Variants in LDHC observed in about 807,000 individuals in gnomAD.
The protein encoded by LDHC is lactate dehydrogenase C, also known as L-lactate dehydrogenase C chain.
A neutral mutation model predicts 30.2 loss-of-function variants in LDHC; 20 were observed. The observed-to-expected ratio is 0.66, with a 90% CI of 0.47 to 0.96. The LOEUF (loss-of-function observed/expected upper bound fraction) is 0.96. LDHC is among the 40% of genes least tolerant of loss of function. LDHC has a pLI of 0.00. For missense variants in LDHC, 362 were observed against 394.9 expected, an observed-to-expected ratio of 0.92 and a Z score of 0.71; for synonymous variants, 139 against 132.7, an observed-to-expected ratio of 1.05 and a Z score of -0.32.
At chr11:18,446,178 G>A in intron 6 of LDHC, 32 bp from the exon 7 acceptor site, 1 of 1,564,922 alleles carries the variant, frequency 6.4e-7, no homozygotes, top group South Asian at 1.1e-5. Context: ...GACTTATTAT[G>A]AATTTGATTT....
intron 2 of LDHC, among the ~76,000 whole-genome samples, chr11:18,414,210 T>C (rs1866962413): frequency 1.3e-5 from 2 of 152,246 alleles, no homozygotes; most frequent in Non-Finnish European, 2.9e-5. Context: ...TCAAACTTCA[T>C]AGACATGCTT....
At chr11:18,439,479 C>T (rs997983030) in intron 6 of LDHC, among the ~76,000 whole-genome samples, 8 of 146,368 alleles carry the variant, frequency 5.5e-5, no homozygotes, top group Admixed American at 1.4e-4. Flanking sequence ...AGGAGAATCA[C>T]TGGAACCCAG....
Position 18,451,056 on chromosome 11 carries a change from T to C in LDHC, c.928T>C (p.Ser310Pro), listed in dbSNP as rs1207265723. Reference protein sequence around the residue: ...VSDVVKINLNSEEEALFKKSA... With the variant: ...VSDVVKINLNPEEEALFKKSA... ...AGATGTTGTGAAAATTAACTTGAAT[T>C]CTGAGGAGGAGGCCCTTTTCAAGAA... The change falls in exon 8 of 8, where the codon TCT becomes CCT. Residue 310 changes from serine to proline, a missense_variant. By Grantham distance (74) the Ser-to-Pro change is moderately conservative. Coordinates refer to ENST00000541669, the MANE Select transcript of LDHC (RefSeq NM_017448.5). The C allele has an allele frequency of 4.4e-6, 7 of 1,592,314 alleles. No homozygotes were observed. Among genetic ancestry groups the C allele is most frequent in the Admixed American group, 1.8e-5 (1 of 54,898 alleles).
Position 18,429,798 on chromosome 11 carries a change from G to A in LDHC, c.306G>A (p.Glu102=). ...VIVTAGARQQ[E]GETRLALVQR... Reference sequence around the variant, plus strand: ...TCACAGCAGGTGCAAGGCAGCAGGAGGGAGAAACTCGCCTTGCCCTGGTCC... The same window carrying A: ...TCACAGCAGGTGCAAGGCAGCAGGAAGGAGAAACTCGCCTTGCCCTGGTCC... Residue 102 remains glutamate (E), a synonymous_variant, in exon 4 of 8, where the codon GAG becomes GAA. Coordinates refer to ENST00000541669, the MANE Select transcript of LDHC (RefSeq NM_017448.5). 6.2e-7 allele frequency: 1 copy of A among 1,612,418 alleles called. No individual in the cohort carries two copies. The highest frequency in any genetic ancestry group is 1.1e-5 in the South Asian group (1 of 91,002).
chr11:18,440,325 CAAAT>C (rs1374138239), intron 6 of LDHC, among the ~76,000 whole-genome samples: 14 of 151,198 alleles, frequency 9.3e-5, no homozygotes, highest in Admixed American at 8.6e-4. Context: ...AGAAAACAAA[CAAAT>C]AAATAAATAA....
chr11:18,430,608 C>T lies in LDHC; in HGVS notation c.418+698C>T, dbSNP rs1018676129. On this transcript the variant is annotated intron_variant, in intron 4 of 7. Coordinates refer to ENST00000541669, the MANE Select transcript of LDHC (RefSeq NM_017448.5). ...AACTCCTAAGCTCAGGCAGTCTACT[C>T]GCCTTGGCCTCCTAAAGTGCTGGGA... is the stretch of plus-strand genomic sequence containing the variant. 7.9e-5 allele frequency among the ~76,000 whole-genome samples: 12 copies of T among 152,260 alleles called. 1 individual carries two copies. Among genetic ancestry groups the T allele is most frequent in the Middle Eastern group, 3.4e-3 (1 of 294 alleles).
chr11:18,427,369 A>T (rs764359718), intron 3 of LDHC, among the ~76,000 whole-genome samples: 3 of 152,116 alleles, frequency 2.0e-5, no homozygotes, highest in Non-Finnish European at 2.9e-5. Flanking sequence ...AAACAAACAA[A>T]CAAAAACAAA....
At chr11:18,445,737 G>A (rs932778763) in intron 6 of LDHC, among the ~76,000 whole-genome samples, 3 of 152,152 alleles carry the variant, frequency 2.0e-5, no homozygotes, top group African/African-American at 7.2e-5. Context: ...CCAGGAAACT[G>A]AGGCGAGCAG....
intron 3 of LDHC, among the ~76,000 whole-genome samples, chr11:18,420,926 G>C (rs1848035838): frequency 6.6e-6 from 1 of 152,144 alleles, no homozygotes; most frequent in Non-Finnish European, 1.5e-5. Context: ...GGCGAGGGGT[G>C]ATAGTGATGA....
At position 18,430,181 on chromosome 11, in the gene LDHC, A is replaced by G. The variant is rs1657493259; in HGVS notation, c.418+271A>G. Among the ~76,000 whole-genome samples, 6 of 152,168 alleles carry G rather than the reference A, an allele frequency of 3.9e-5. No individual in the cohort carries two copies. The South Asian group carries it at 1.0e-3, about 26-fold the overall frequency. ...CTGGCCCCATTTTCTGGAATTTTAT[A>G]TGAATGAAATCATGCTGAATGTAAT... On this transcript the variant is annotated intron_variant, in intron 4 of 7. Coordinates refer to ENST00000541669, the MANE Select transcript of LDHC (RefSeq NM_017448.5).
At chr11:18,420,598 C>A (rs1343199349) in intron 3 of LDHC, among the ~76,000 whole-genome samples, 1 of 132,182 alleles carries the variant, frequency 7.6e-6, no homozygotes, top group Non-Finnish European at 1.5e-5. Context: ...GCAGAAGGAT[C>A]ACTTTGAGAC....
At chr11:18,429,116 CTTTT>C (rs36038254) in intron 3 of LDHC, among the ~76,000 whole-genome samples, 4,769 of 93,776 alleles carry the variant, frequency 0.051, 69 homozygotes, top group Middle Eastern at 0.14. Flanking sequence ...TCATTTTGGT[CTTTT>C]TTTTTTTTTT....
chr11:18,418,671 C>T (rs1446318038), intron 3 of LDHC, among the ~76,000 whole-genome samples: 1 of 152,068 alleles, frequency 6.6e-6, no homozygotes, highest in East Asian at 1.9e-4. Context: ...AAGCGATCCA[C>T]CTGCCTCGGC....
chr11:18,451,327 T>C lies in LDHC; in HGVS notation c.*200T>C. ...TTAAGAATCATTTATAGCTCTATTC[T>C]AATGATACCCAATCTGTACAGGTGT... On this transcript the variant is annotated 3_prime_UTR_variant, in exon 8 of 8. Transcript: ENST00000541669. The C allele has an allele frequency of 2.5e-6, 1 of 408,104 alleles. No individual in the cohort carries two copies. The highest frequency in any genetic ancestry group is 5.0e-5 in the East Asian group (1 of 20,016). 25.3% of individuals were successfully genotyped at this position (408,104 alleles called of 1,614,324 possible). A position where few individuals can be genotyped will look rare whatever the true frequency, so the allele number is the denominator to read the frequency against.
intron 6 of LDHC, among the ~76,000 whole-genome samples, chr11:18,441,249 A>G (rs2133842405): frequency 6.6e-6 from 1 of 152,292 alleles, no homozygotes; most frequent in African/African-American, 2.4e-5. Flanking sequence ...AAGTTTATCT[A>G]GCATGGTGAA....
chr11:18,447,943 G>A (rs1208778469), intron 7 of LDHC, among the ~76,000 whole-genome samples: 1 of 151,582 alleles, frequency 6.6e-6, no homozygotes, highest in Non-Finnish European at 1.5e-5. Context: ...TAGCTACTTG[G>A]GCAGCTGAGA....
Position 18,442,231 on chromosome 11 carries a change from A to G in LDHC, c.710+3586A>G, listed in dbSNP as rs181960556. 3.8e-3 allele frequency among the ~76,000 whole-genome samples: 561 copies of G among 147,608 alleles called. 8 individuals are homozygous for G. The highest frequency in any genetic ancestry group is 0.015 in the African/African-American group (541 of 37,154). On this transcript the variant is annotated intron_variant, in intron 6 of 7. Transcript: ENST00000541669. ...AATCCAGTGCTGATAACCTAGTTCT[A>G]TGATAGTTAATAGTCCACATTTATC...
In LDHC at chr11:18,446,237, G is replaced by T. The variant is rs1402074848; in HGVS notation, c.738G>T (p.Gly246=). Residue 246 remains glycine, a synonymous_variant, in exon 7 of 8, where the codon GGG becomes GGT. Transcript: ENST00000541669. The part of the protein sequence containing the change: ...QSAYEIIKLK[G]YTSWAIGLSV... ...CCTATGAAATTATCAAGCTGAAGGG[G>T]TATACCTCTTGGGCTATTGGACTGT... 1.9e-6 allele frequency: 3 copies of T among 1,602,782 alleles called. No homozygotes were observed. Among genetic ancestry groups the T allele is most frequent in the Non-Finnish European group, 1.7e-6 (2 of 1,169,950 alleles).
Position 18,415,341 on chromosome 11 carries a change from A to T in LDHC, c.244+40A>T, listed in dbSNP as rs368451212. The stretch of plus-strand genomic sequence containing the variant: ...TATAAAGTTATTTTCAAAGCTTTTT[A>T]AAAAAGTAATAAATTTTACCAAACA... On this transcript the variant is annotated intron_variant, in intron 3 of 7. Transcript: ENST00000541669. 130 of 1,064,270 alleles carry T rather than the reference A, an allele frequency of 1.2e-4. No homozygotes were observed. The African/African-American group carries it at 2.0e-3, about 16-fold the overall frequency. The allele number at this position is 1,064,270 out of a possible 1,614,324, so 65.9% of individuals were successfully genotyped here. A position where few individuals can be genotyped will look rare whatever the true frequency, so the allele number is the denominator to read the frequency against.
Sources: gnomAD v4.1 joint callset for allele counts (sites outside exome capture counted in the v4.1 genomes callset) on GRCh38, gnomAD v4.1.1 for gene constraint, MANE v1.5 for transcripts, NCBI Gene and HGNC (gene_info 2026-07-23, HGNC 2026-07-21) for gene names.